RADX: variants seen among roughly 807,000 people sequenced by gnomAD.
RADX encodes RPA1 related single stranded DNA binding protein, X-linked.
Under a neutral mutation model 61.6 loss-of-function variants are expected in RADX, and 36 were observed. The ratio of observed to expected loss-of-function variants is 0.58; its 90% confidence interval spans 0.45 to 0.77. The LOEUF (loss-of-function observed/expected upper bound fraction) is 0.77, where lower values mean the gene tolerates loss of function less well. RADX is among the 30% of genes least tolerant of loss of function. RADX has a pLI of 0.00. For missense variants in RADX, 497 were observed against 651.1 expected (o/e 0.76, Z 2.58); for synonymous variants, 272 against 237.9 (o/e 1.14, Z -1.32).
intron 7 of RADX, 129 bp downstream of exon 7, chrX:106,636,776 A>G: frequency 2.9e-6 from 1 of 343,274 alleles, no homozygotes; most frequent in South Asian, 1.3e-4. Flanking sequence ...CTTTATTACT[A>G]TAAGAGTGTT....
chrX:106,620,089 C>A (rs1233833356), intron 1 of RADX, among the ~76,000 whole-genome samples: 1 of 111,299 alleles, frequency 9.0e-6, no homozygotes, highest in African/African-American at 3.3e-5. Flanking sequence ...CTTATGCTCT[C>A]GCAAGTGTAC....
intron 7 of RADX, among the ~76,000 whole-genome samples, chrX:106,637,474 A>C (rs1927386636): frequency 8.9e-6 from 1 of 112,103 alleles, no homozygotes; most frequent in South Asian, 3.7e-4. Context: ...AGAAAAATTC[A>C]AATTATTAGT....
intron 1 of RADX, among the ~76,000 whole-genome samples, chrX:106,615,349 C>T (rs961098751): frequency 1.8e-5 from 2 of 111,586 alleles, no homozygotes; most frequent in Non-Finnish European, 3.8e-5. Context: ...CAAGATTTGG[C>T]TTGTGGGCTG....
At chrX:106,674,235 C>T (rs1452911639) in intron 13 of RADX, among the ~76,000 whole-genome samples, 1 of 111,007 alleles carries the variant, frequency 9.0e-6, no homozygotes, top group African/African-American at 3.3e-5. Flanking sequence ...ATTGGTGGAG[C>T]CTTCTATTCC....
chrX:106,614,322 A>T (rs1272136194), intron 1 of RADX, among the ~76,000 whole-genome samples: 1 of 111,935 alleles, frequency 8.9e-6, no homozygotes, highest in Admixed American at 9.5e-5. Flanking sequence ...CACTGAACAC[A>T]TCTCAGGCAT....
chrX:106,612,131 A>G lies in RADX; in HGVS notation c.51A>G (p.Leu17=). Residue 17 remains leucine (L), a synonymous_variant, in exon 1 of 14, where the codon CTA becomes CTG. Coordinates refer to ENST00000372548, the MANE Select transcript of RADX (RefSeq NM_018015.6). ...QPEAGPSHAG[L]DWPNPERNRA... ...AGGCTGGTCCCTCACATGCAGGGCT[A>G]GATTGGCCGAACCCTGAGAGGAATC... The G allele has an allele frequency of 4.1e-6, 5 of 1,211,130 alleles. No individual in the cohort carries two copies. Among genetic ancestry groups the G allele is most frequent in the Non-Finnish European group, 5.6e-6 (5 of 894,985 alleles).
chrX:106,615,406 G>A (rs919861786), intron 1 of RADX, among the ~76,000 whole-genome samples: 1 of 110,794 alleles, frequency 9.0e-6, no homozygotes, highest in Non-Finnish European at 1.9e-5. Flanking sequence ...CTCACCTCTC[G>A]AATCTCTAAC....
chrX:106,641,195 G>A (rs1248867294), intron 10 of RADX, among the ~76,000 whole-genome samples: 1 of 110,329 alleles, frequency 9.1e-6, no homozygotes, highest in East Asian at 2.9e-4. Context: ...TTCCAAATAA[G>A]GTCATATTCA....
rs756137520 is a variant in RADX, at chrX:106,661,721, G to A, written c.1979-294G>A. On this transcript the variant is annotated intron_variant, in intron 11 of 13. Transcript: ENST00000372548. ...AAGAACATATGTTTAAGAGCTTTTA[G>A]AACATTTAGAAAAAGTAGAAAGAAC... Among the ~76,000 whole-genome samples, 3 of 111,465 alleles carry A rather than the reference G, an allele frequency of 2.7e-5. No individual in the cohort carries two copies. In the East Asian group the frequency reaches 8.4e-4, roughly 31 times the overall value.
At chrX:106,672,403 G>A (rs1191390994) in intron 13 of RADX, among the ~76,000 whole-genome samples, 1 of 111,009 alleles carries the variant, frequency 9.0e-6, no homozygotes, top group Non-Finnish European at 1.9e-5. Flanking sequence ...GATGGTCTTG[G>A]ACAAGATCCA....
chrX:106,642,396 C>T (rs1215214831), intron 10 of RADX, among the ~76,000 whole-genome samples: 5 of 111,207 alleles, frequency 4.5e-5, no homozygotes, highest in East Asian at 2.8e-4. Context: ...TTCACTTCCC[C>T]GCACCCCCCT....
rs375068248 is a variant in RADX, at chrX:106,640,563, A to G, written c.1746A>G (p.Arg582=). 29 of 1,185,142 alleles carry G rather than the reference A, an allele frequency of 2.4e-5. No homozygotes were observed. In the African/African-American group the frequency reaches 4.7e-4, roughly 19 times the overall value. The change falls in exon 10 of 14, where the codon AGA becomes AGG. Residue 582 remains arginine (R), a synonymous_variant. Coordinates refer to ENST00000372548, the MANE Select transcript of RADX (RefSeq NM_018015.6). The stretch of plus-strand genomic sequence containing the variant: ...ATTATTGGTTTTAGAATGCTAACAG[A>G]CCCTCGACCTCTCAAGCAGCTAGAG... ...SASETLRNAN[R]PSTSQAARVE... is the part of the protein sequence containing the mutation.
intron 1 of RADX, among the ~76,000 whole-genome samples, chrX:106,622,236 G>T (rs1000882687): frequency 9.0e-6 from 1 of 111,113 alleles, no homozygotes. Flanking sequence ...ACTGCACCTG[G>T]CCCATTTCTA....
intron 12 of RADX, among the ~76,000 whole-genome samples, chrX:106,667,702 T>C (rs771171878): frequency 9.0e-6 from 1 of 111,610 alleles, no homozygotes; most frequent in African/African-American, 3.3e-5. Context: ...TATTTTATAA[T>C]GTAGAAAGCA....
chrX:106,648,243 AC>A, intron 10 of RADX, 69 bp from the exon 11 acceptor site: 1 of 636,988 alleles, frequency 1.6e-6, no homozygotes, highest in Non-Finnish European at 2.5e-6. Context: ...TCTGAATAGA[AC>A]CAGTTGATTT....
At position 106,637,414 on chromosome X, in the gene RADX, C is replaced by T. The variant is rs760904210; in HGVS notation, c.1409-346C>T. ...ATGATGCCATAATTTCAGGTTAATT[C>T]GTAGTTTAAAAATCGGTTATTTCAG... On this transcript the variant is annotated intron_variant, in intron 7 of 13. Transcript: ENST00000372548. Among the ~76,000 whole-genome samples the T allele has an allele frequency of 5.4e-5, 6 of 111,963 alleles. 1 individual carries two copies. The highest frequency in any genetic ancestry group is 1.9e-4 in the Admixed American group (2 of 10,557).
chrX:106,635,690 C>T (rs1287709577), intron 6 of RADX, among the ~76,000 whole-genome samples: 6 of 111,814 alleles, frequency 5.4e-5, no homozygotes, highest in Admixed American at 2.8e-4. Flanking sequence ...AATTTTTATT[C>T]TCAAATGAGA....
intron 13 of RADX, among the ~76,000 whole-genome samples, chrX:106,673,705 CT>C (rs1191023715): frequency 9.5e-6 from 1 of 105,436 alleles, no homozygotes; most frequent in African/African-American, 3.5e-5. Context: ...CACACCGCCC[CT>C]GGTACACTGT....
At chrX:106,628,453 T>TA (rs1443734821) in intron 3 of RADX, among the ~76,000 whole-genome samples, 1 of 111,194 alleles carries the variant, frequency 9.0e-6, no homozygotes, top group Non-Finnish European at 1.9e-5. Context: ...CAGTGGAGTT[T>TA]AAATGTTCTG....
Sources: gnomAD v4.1 joint callset for allele counts (sites outside exome capture counted in the v4.1 genomes callset) on GRCh38, gnomAD v4.1.1 for gene constraint, MANE v1.5 for transcripts, NCBI Gene and HGNC (gene_info 2026-07-23, HGNC 2026-07-21) for gene names.